Variants in ADCY1 observed in about 807,000 individuals in gnomAD.
The protein encoded by ADCY1 is adenylate cyclase type 1.
Under a neutral mutation model 105.4 loss-of-function variants are expected in ADCY1, and 28 were observed. That is an observed-to-expected ratio of 0.27 (90% CI 0.20 to 0.36). The LOEUF (loss-of-function observed/expected upper bound fraction) is 0.36. Ranked by LOEUF, ADCY1 falls within the 10% of genes least tolerant of loss-of-function variation. The pLI, the probability that ADCY1 is intolerant of heterozygous loss-of-function variation, is 1.00. For missense variants in ADCY1, 977 were observed against 1,434.2 expected (o/e 0.68, Z 5.15); for synonymous variants, 655 against 623.8 (o/e 1.05, Z -0.75).
At chr7:45,679,611 CAG>C in intron 10 of ADCY1, 96 bp from the exon 11 acceptor site, 1 of 1,176,994 alleles carries the variant, frequency 8.5e-7, no homozygotes, top group Non-Finnish European at 1.3e-6. Context: ...CCTGAGAGCA[CAG>C]GGGATGTGGA....
chr7:45,682,842 C>T (rs141872882), intron 11 of ADCY1, among the ~76,000 whole-genome samples: 95 of 152,228 alleles, frequency 6.2e-4, no homozygotes, highest in Middle Eastern at 6.8e-3. Flanking sequence ...AACTAGGTGG[C>T]TTTGAAGAAA....
intron 3 of ADCY1, among the ~76,000 whole-genome samples, 198 bp downstream of exon 3, chr7:45,610,695 ATAGT>A: frequency 1.2e-4 from 2 of 17,002 alleles, no homozygotes; most frequent in African/African-American, 2.1e-4. Flanking sequence ...CGAGGAGGTG[ATAGT>A]GGAGGTGATG....
chr7:45,604,313 A>C (rs1176224763), intron 2 of ADCY1, among the ~76,000 whole-genome samples: 1 of 152,124 alleles, frequency 6.6e-6, no homozygotes. Context: ...TGATCATTTC[A>C]TTCTTTTAGC....
intron 4 of ADCY1, among the ~76,000 whole-genome samples, chr7:45,627,101 G>A (rs1371994811): frequency 1.3e-5 from 2 of 152,182 alleles, no homozygotes; most frequent in Admixed American, 1.3e-4. Context: ...AGGAGACAAA[G>A]GCCAAGTTGT....
chr7:45,690,422 G>A (rs2116222580), intron 14 of ADCY1, among the ~76,000 whole-genome samples: 1 of 152,320 alleles, frequency 6.6e-6, no homozygotes, highest in East Asian at 1.9e-4. Flanking sequence ...TGCCTGATAG[G>A]ATTCACCACC....
intron 4 of ADCY1, among the ~76,000 whole-genome samples, chr7:45,643,835 G>A (rs1487404018): frequency 6.6e-6 from 1 of 152,108 alleles, no homozygotes; most frequent in Non-Finnish European, 1.5e-5. Flanking sequence ...TGCATGCACT[G>A]TGAAACTGTT....
At chr7:45,681,321 A>C (rs911402866) in intron 11 of ADCY1, among the ~76,000 whole-genome samples, 5 of 152,086 alleles carry the variant, frequency 3.3e-5, no homozygotes, top group African/African-American at 1.2e-4. Context: ...CAGTTATCCC[A>C]TGAAGCTTCT....
Position 45,626,204 on chromosome 7 carries a change from T to C in ADCY1, c.1020+3461T>C, listed in dbSNP as rs546581628. Among the ~76,000 whole-genome samples the C allele has an allele frequency of 1.6e-4, 24 of 152,322 alleles. No homozygotes were observed. In the South Asian group the frequency reaches 3.7e-3, roughly 24 times the overall value. On this transcript the variant is annotated intron_variant, in intron 4 of 19. Transcript: ENST00000297323. ...AAGCAGCCACAAATACGTAAACAAATGGGTGTGGCTGTACACCAGTAAAAC... is the reference window on the plus strand; with the variant it reads ...AAGCAGCCACAAATACGTAAACAAACGGGTGTGGCTGTACACCAGTAAAAC...
At chr7:45,649,852 C>G (rs990671238) in intron 5 of ADCY1, among the ~76,000 whole-genome samples, 1 of 152,210 alleles carries the variant, frequency 6.6e-6, no homozygotes, top group African/African-American at 2.4e-5. Context: ...CTGATGGTAG[C>G]TCCACCTCAA....
intron 3 of ADCY1, among the ~76,000 whole-genome samples, chr7:45,614,566 A>G (rs1793686340): frequency 6.6e-6 from 1 of 151,936 alleles, no homozygotes; most frequent in Non-Finnish European, 1.5e-5. Context: ...GTGTAGATGG[A>G]TTAAACTCCC....
chr7:45,581,971 C>T (rs1317493632), intron 1 of ADCY1, among the ~76,000 whole-genome samples: 3 of 152,174 alleles, frequency 2.0e-5, no homozygotes, highest in African/African-American at 4.8e-5. Context: ...CCAGTGCATA[C>T]TCACACATCC....
intron 3 of ADCY1, among the ~76,000 whole-genome samples, chr7:45,614,284 G>C (rs537069249): frequency 3.9e-5 from 6 of 152,194 alleles, no homozygotes; most frequent in African/African-American, 1.2e-4. Flanking sequence ...TTAAAGTGTA[G>C]AGTTTCTGTA....
chr7:45,660,434 G>C (rs1795063150), intron 7 of ADCY1, among the ~76,000 whole-genome samples: 1 of 152,236 alleles, frequency 6.6e-6, no homozygotes, highest in South Asian at 2.1e-4. Context: ...AGGCCGTTCT[G>C]TGTCCTCCTT....
intron 14 of ADCY1, among the ~76,000 whole-genome samples, chr7:45,689,287 C>G (rs1433826698): frequency 6.6e-6 from 1 of 152,072 alleles, no homozygotes; most frequent in East Asian, 1.9e-4. Context: ...ATAAATACAT[C>G]TGCATTAAGC....
At chr7:45,711,697 G>A (rs1206312855) in intron 19 of ADCY1, among the ~76,000 whole-genome samples, 3 of 122,902 alleles carry the variant, frequency 2.4e-5, no homozygotes, top group South Asian at 2.4e-4. Context: ...ACACATATAT[G>A]TATATATACA....
At chr7:45,634,634 T>G (rs113085217) in intron 4 of ADCY1, among the ~76,000 whole-genome samples, 60 of 152,286 alleles carry the variant, frequency 3.9e-4, no homozygotes, top group African/African-American at 1.4e-3. Context: ...GTTTGACATA[T>G]GCTGTTTTGA....
At chr7:45,601,477 C>G (rs1793238553) in intron 2 of ADCY1, among the ~76,000 whole-genome samples, 1 of 152,104 alleles carries the variant, frequency 6.6e-6, no homozygotes, top group African/African-American at 2.4e-5. Context: ...GCTGTCCACC[C>G]TGGAAGGAGA....
chr7:45,588,914 T>G (rs556866783), intron 1 of ADCY1, among the ~76,000 whole-genome samples: 1 of 151,650 alleles, frequency 6.6e-6, no homozygotes, highest in African/African-American at 2.4e-5. Flanking sequence ...TGTAACACTT[T>G]CCTTACTTTC....
chr7:45,664,654 T>G, intron 8 of ADCY1: 1 of 516,244 alleles, frequency 1.9e-6, no homozygotes, highest in Non-Finnish European at 3.0e-6. Context: ...ATTTTTTTAA[T>G]AAACTTGACT....
Sources: gnomAD v4.1 joint callset for allele counts (sites outside exome capture counted in the v4.1 genomes callset) on GRCh38, gnomAD v4.1.1 for gene constraint, MANE v1.5 for transcripts, NCBI Gene and HGNC (gene_info 2026-07-23, HGNC 2026-07-21) for gene names.